EXT1: variants seen among roughly 807,000 people sequenced by gnomAD.
The protein encoded by EXT1 is exostosin glycosyltransferase 1.
A neutral mutation model predicts 82.5 loss-of-function variants in EXT1; 20 were observed. That is an observed-to-expected ratio of 0.24 (90% CI 0.17 to 0.35). EXT1 has a LOEUF of 0.35. EXT1 is among the 10% of genes least tolerant of loss of function. The pLI is 1.00. For missense variants in EXT1, 757 were observed against 936.5 expected (o/e 0.81, Z 2.50); for synonymous variants, 348 against 350.8 (o/e 0.99, Z 0.09).
rs1195551587 is a variant in EXT1, at chr8:118,045,427, T to G, written c.962+64658A>C. Among the ~76,000 whole-genome samples the G allele has an allele frequency of 7.2e-5, 11 of 152,304 alleles. No individual in the cohort carries two copies. The East Asian group carries it at 1.9e-3, about 27-fold the overall frequency. ...TAGCAGTGGTGTGAGCCTTTCTTCA[T>G]TCACGCTCTCAAACCAGTAAAAGTT... On this transcript the variant is annotated intron_variant, in intron 1 of 10. Coordinates refer to ENST00000378204, the MANE Select transcript of EXT1 (RefSeq NM_000127.3).
intron 7 of EXT1, among the ~76,000 whole-genome samples, chr8:117,813,162 C>G (rs1473275118): frequency 6.6e-6 from 1 of 152,208 alleles, no homozygotes; most frequent in Non-Finnish European, 1.5e-5. Flanking sequence ...TACTGTGTAG[C>G]AGACATCTTG....
At chr8:117,912,068 TGAAGAA>T (rs376888019) in intron 1 of EXT1, among the ~76,000 whole-genome samples, 32 of 151,874 alleles carry the variant, frequency 2.1e-4, no homozygotes, top group African/African-American at 6.8e-4. Context: ...TTTAGGCACC[TGAAGAA>T]GAAGAAGAAA....
In EXT1 at chr8:117,795,499, A is replaced by C. The variant is rs1823076642; in HGVS notation, c.*4213T>G. ...CCCCCAAGCTTTTTTTTTTTTTTAA[A>C]GAAAAAAAAAAGGGGGGCCAGGCGC... On this transcript the variant is annotated 3_prime_UTR_variant, in exon 11 of 11. Coordinates refer to ENST00000378204, the MANE Select transcript of EXT1 (RefSeq NM_000127.3). 6.7e-6 allele frequency: 1 copy of C among 149,554 alleles called. No homozygotes were observed. Among genetic ancestry groups the C allele is most frequent in the Non-Finnish European group, 1.5e-5 (1 of 67,448 alleles). The allele number at this position is 149,554 out of a possible 1,614,324, so 9.3% of individuals were successfully genotyped here.
chr8:117,895,820 G>T (rs941076167), intron 1 of EXT1, among the ~76,000 whole-genome samples: 4 of 152,224 alleles, frequency 2.6e-5, no homozygotes, highest in Admixed American at 2.6e-4. Context: ...GCTGGAGTAA[G>T]TTACCCTCCT....
At chr8:118,105,069 G>C (rs909250385) in intron 1 of EXT1, among the ~76,000 whole-genome samples, 1 of 152,178 alleles carries the variant, frequency 6.6e-6, no homozygotes, top group Non-Finnish European at 1.5e-5. Flanking sequence ...ACCACCGTTT[G>C]CCTCCGTTTA....
intron 1 of EXT1, among the ~76,000 whole-genome samples, chr8:118,103,670 G>C (rs1047070342): frequency 6.6e-6 from 1 of 152,070 alleles, no homozygotes; most frequent in Non-Finnish European, 1.5e-5. Flanking sequence ...CAATCACAGA[G>C]GGACACCCTG....
At chr8:117,849,610 C>T (rs971104990) in intron 1 of EXT1, among the ~76,000 whole-genome samples, 11 of 150,986 alleles carry the variant, frequency 7.3e-5, no homozygotes, top group East Asian at 1.9e-4. Flanking sequence ...TGGTATGATT[C>T]GTCAAGTTCT....
chr8:117,929,283 A>G lies in EXT1; in HGVS notation c.963-92082T>C, dbSNP rs567505839. Among the ~76,000 whole-genome samples the G allele has an allele frequency of 2.9e-4, 44 of 152,344 alleles. No individual in the cohort carries two copies. The South Asian group carries it at 9.1e-3, about 32-fold the overall frequency. ...TAGTAGAGAAACTAACATGAGCTCA[A>G]AAAAGATGAAAAGATGATCCACAGG... On this transcript the variant is annotated intron_variant, in intron 1 of 10. Transcript: ENST00000378204.
chr8:117,835,951 G>A (rs963231661), intron 2 of EXT1, among the ~76,000 whole-genome samples: 3 of 152,270 alleles, frequency 2.0e-5, no homozygotes, highest in African/African-American at 7.2e-5. Context: ...ACAAGTCCAC[G>A]TGCAAAGTGG....
At chr8:118,079,416 C>T (rs1817269508) in intron 1 of EXT1, among the ~76,000 whole-genome samples, 1 of 152,154 alleles carries the variant, frequency 6.6e-6, no homozygotes, top group Admixed American at 6.5e-5. Context: ...ACAGAAAGTT[C>T]AAAGGTTAGA....
chr8:118,033,999 A>G (rs569151440), intron 1 of EXT1, among the ~76,000 whole-genome samples: 2 of 152,220 alleles, frequency 1.3e-5, no homozygotes, highest in Non-Finnish European at 2.9e-5. Flanking sequence ...CAAACTAAGA[A>G]TAAAAATAAT....
chr8:117,805,051 G>C (rs1015312133), intron 9 of EXT1, among the ~76,000 whole-genome samples, 158 bp from the exon 10 acceptor site: 1 of 152,084 alleles, frequency 6.6e-6, no homozygotes, highest in Non-Finnish European at 1.5e-5. Context: ...TCACTTCTAT[G>C]GTACTTGTTA....
chr8:117,985,061 T>C lies in EXT1; in HGVS notation c.962+125024A>G, dbSNP rs201785034. ...TCAGATGGCTGCTTAAGAGAAAGAG[T>C]TGCCCACCTGCCTGGCTCCCCAAGA... is the stretch of plus-strand genomic sequence containing the variant. On this transcript the variant is annotated intron_variant, in intron 1 of 10. Transcript: ENST00000378204. Among the ~76,000 whole-genome samples, 4 of 151,778 alleles carry C rather than the reference T, an allele frequency of 2.6e-5. No homozygotes were observed. In the East Asian group the frequency reaches 7.7e-4, roughly 29 times the overall value.
At chr8:118,106,479 G>C (rs1186219919) in intron 1 of EXT1, among the ~76,000 whole-genome samples, 1 of 152,146 alleles carries the variant, frequency 6.6e-6, no homozygotes, top group African/African-American at 2.4e-5. Flanking sequence ...TTACCTCCAA[G>C]ACCCTTGAAG....
intron 1 of EXT1, among the ~76,000 whole-genome samples, chr8:117,968,545 A>ATTTTTTTTT (rs1814870229): frequency 1.4e-5 from 1 of 73,054 alleles, no homozygotes; most frequent in Non-Finnish European, 2.3e-5. Flanking sequence ...TTATTTATTT[A>ATTTTTTTTT]TTTATTTATT....
intron 1 of EXT1, among the ~76,000 whole-genome samples, chr8:118,091,159 AC>A (rs1039234261): frequency 5.9e-5 from 9 of 152,292 alleles, no homozygotes; most frequent in Middle Eastern, 3.4e-3. Context: ...CATAAACTGC[AC>A]CCGGCCAAGA....
In EXT1 at chr8:117,858,791, A is replaced by AGGCAGGCAGGC. The variant is rs1554581729; in HGVS notation, c.963-21591_963-21590insGCCTGCCTGCC. ...AAGGCAGGCAGGCAGGCAGGCAGGC[A>AGGCAGGCAGGC]AGGCAAGGCAAGGCAAGGCAGGAAG... On this transcript the variant is annotated intron_variant, in intron 1 of 10. Coordinates refer to ENST00000378204, the MANE Select transcript of EXT1 (RefSeq NM_000127.3). Among the ~76,000 whole-genome samples the AGGCAGGCAGGC allele has an allele frequency of 7.4e-4, 43 of 58,464 alleles. 1 individual carries two copies. The highest frequency in any genetic ancestry group is 1.1e-3 in the Admixed American group (6 of 5,284). The allele number at this position is 58,464 out of a possible 152,430, so 38.4% of individuals were successfully genotyped here. A position where few individuals can be genotyped will look rare whatever the true frequency, so the allele number is the denominator to read the frequency against.
At chr8:118,048,227 T>G (rs1816654445) in intron 1 of EXT1, among the ~76,000 whole-genome samples, 1 of 152,090 alleles carries the variant, frequency 6.6e-6, no homozygotes, top group South Asian at 2.1e-4. Flanking sequence ...TAAAGTGACC[T>G]CTCCATTTTG....
intron 1 of EXT1, among the ~76,000 whole-genome samples, chr8:117,919,523 G>C (rs559380317): frequency 1.8e-3 from 133 of 74,242 alleles, no homozygotes; most frequent in African/African-American, 6.0e-3. Context: ...TTTTTTTTTT[G>C]AGACAAGGTT....
Sources: allele counts gnomAD v4.1 joint callset (sites outside exome capture counted in the v4.1 genomes callset), GRCh38; gene constraint gnomAD v4.1.1; transcripts MANE v1.5; gene names NCBI Gene and HGNC (gene_info 2026-07-23, HGNC 2026-07-21).